Variants in SLX4 observed in about 807,000 individuals in gnomAD.
The protein encoded by SLX4 is SLX4 structure-specific endonuclease subunit.
A neutral mutation model predicts 146.2 loss-of-function variants in SLX4; 112 were observed. That is an observed-to-expected ratio of 0.77 (90% CI 0.66 to 0.90). The LOEUF is 0.90. SLX4 is among the 40% of genes least tolerant of loss of function. The pLI is 0.00. For missense variants in SLX4, 2,563 were observed against 2,392.7 expected (o/e 1.07, Z -1.49); for synonymous variants, 1,061 against 997.7 (o/e 1.06, Z -1.20).
chr16:3,602,030 A>T (rs779379885), intron 4 of SLX4, 88 bp downstream of exon 4: 1 of 1,491,978 alleles, frequency 6.7e-7, no homozygotes, highest in Non-Finnish European at 9.3e-7. Context: ...TTGTCATGGT[A>T]AGGTGTGGAG....
chr16:3,595,575 C>A (rs2040642092), intron 9 of SLX4, 30 bp downstream of exon 9: 1 of 1,611,974 alleles, frequency 6.2e-7, no homozygotes. Flanking sequence ...TGGCCGGGAC[C>A]AGAGAGCGCG....
intron 5 of SLX4, among the ~76,000 whole-genome samples, chr16:3,599,560 C>T (rs911080989): frequency 6.6e-6 from 1 of 152,222 alleles, no homozygotes; most frequent in Non-Finnish European, 1.5e-5. Context: ...TAGGGTCCTA[C>T]ACTTCTGTTG....
Position 3,609,095 on chromosome 16 carries a change from G to T in SLX4, c.-131C>A. The T allele has an allele frequency of 4.3e-6, 5 of 1,164,890 alleles. No individual in the cohort carries two copies. Among genetic ancestry groups the T allele is most frequent in the Middle Eastern group, 2.8e-4 (1 of 3,584 alleles). The allele number at this position is 1,164,890 out of a possible 1,614,324, so 72.2% of individuals were successfully genotyped here. On this transcript the variant is annotated 5_prime_UTR_variant, in exon 2 of 15. Transcript: ENST00000294008. ...GGGCCTGTGGTTAAACATGTTTAAA[G>T]CTTCCCTCTGTTAAAGTCCACAACT...
At position 3,602,291 on chromosome 16, in the gene SLX4, G is replaced by A. The variant is rs771660873; in HGVS notation, c.777C>T (p.Pro259=). Residue 259 remains proline (P), a synonymous_variant, in exon 4 of 15, where the codon CCC becomes CCT. Coordinates refer to ENST00000294008, the MANE Select transcript of SLX4 (RefSeq NM_032444.4). ...CCGCAGCGTCGCTCTCTGGGGCAGG[G>A]GGCCCAAGCCCATACACTGTGGAGA... ...MMAGNVYGLG[P]PAPESDAAVA... 2 of 1,613,870 alleles carry A rather than the reference G, an allele frequency of 1.2e-6. No individual in the cohort carries two copies. Among genetic ancestry groups the A allele is most frequent in the African/African-American group, 1.3e-5 (1 of 74,936 alleles).
chr16:3,603,052 TG>T (rs1316786268), intron 3 of SLX4, among the ~76,000 whole-genome samples: 1 of 152,106 alleles, frequency 6.6e-6, no homozygotes, highest in Non-Finnish European at 1.5e-5. Context: ...TGCCCTGTTT[TG>T]TTTGTTTGTT....
intron 3 of SLX4, among the ~76,000 whole-genome samples, chr16:3,606,080 C>A (rs926067997): frequency 6.6e-6 from 1 of 151,336 alleles, no homozygotes; most frequent in African/African-American, 2.4e-5. Flanking sequence ...GCCAACTTGG[C>A]GAAACCCTGT....
chr16:3,589,571 G>A lies in SLX4; in HGVS notation c.4067C>T (p.Pro1356Leu), dbSNP rs764254888. 8.7e-6 allele frequency: 14 copies of A among 1,613,182 alleles called. No homozygotes were observed. The highest frequency in any genetic ancestry group is 4.0e-5 in the African/African-American group (3 of 75,046). Residue 1356 changes from proline to leucine, a missense_variant, in exon 12 of 15, where the codon CCG becomes CTG. Pro to Leu is a moderately conservative substitution (Grantham distance 98). Transcript: ENST00000294008. This position sits in a 1 kb window ranked among gnomAD's most constrained non-coding sequence, Gnocchi z 6.2. ...CCCTGAGATGGGATGTGGAGCCAGC[G>A]GAGAGGAGTGCGGGTGGCCCCCGGG... ...PHPGGHPHSS[P>L]LAPHPISGDR...
At position 3,597,764 on chromosome 16, in the gene SLX4, C is replaced by G; in HGVS notation, c.1366+33G>C. The G allele has an allele frequency of 6.2e-7, 1 of 1,614,080 alleles. No individual in the cohort carries two copies. Among genetic ancestry groups the G allele is most frequent in the East Asian group, 2.2e-5 (1 of 44,882 alleles). ...CACTCACCCGGGACCTGCTGATGGCCTCTCCCAGGGTCACTCTTCTGATCA... is the reference window on the plus strand; with the variant it reads ...CACTCACCCGGGACCTGCTGATGGCGTCTCCCAGGGTCACTCTTCTGATCA... On this transcript the variant is annotated intron_variant, in intron 6 of 14. Coordinates refer to ENST00000294008, the MANE Select transcript of SLX4 (RefSeq NM_032444.4). This position sits in a 1 kb window ranked among gnomAD's most constrained non-coding sequence, Gnocchi z 4.4.
In SLX4 at chr16:3,590,128, G is replaced by T. The variant is rs1384973981; in HGVS notation, c.3510C>A (p.Ser1170=). The change falls in exon 12 of 15, where the codon TCC becomes TCA. Residue 1170 remains serine, a synonymous_variant. Coordinates refer to ENST00000294008, the MANE Select transcript of SLX4 (RefSeq NM_032444.4). This position sits in a 1 kb window ranked among gnomAD's most constrained non-coding sequence, Gnocchi z 4.8. ...ELELEQTKMK[S]ISSDPLEEKK... ...TTTCTTCCAGAGGATCACTAGAAAT[G>T]GACTTCATTTTGGTTTGTTCTAGCT... is the stretch of plus-strand genomic sequence containing the variant. The T allele has an allele frequency of 6.2e-7, 1 of 1,614,076 alleles. No individual in the cohort carries two copies. Among genetic ancestry groups the T allele is most frequent in the Non-Finnish European group, 8.5e-7 (1 of 1,180,048 alleles).
In SLX4 at chr16:3,582,248, G is replaced by A. The variant is rs2040444252; in HGVS notation, c.*94C>T. The A allele has an allele frequency of 9.1e-7, 1 of 1,101,730 alleles. No homozygotes were observed. The highest frequency in any genetic ancestry group is 1.3e-6 in the Non-Finnish European group (1 of 759,068). 68.2% of individuals were successfully genotyped at this position (1,101,730 alleles called of 1,614,324 possible). ...CCCCAGGCCCAGAAATGCCTGTGGA[G>A]GCCTGACCCACGCTGGGTGTCCCAG... On this transcript the variant is annotated 3_prime_UTR_variant, in exon 15 of 15. Coordinates refer to ENST00000294008, the MANE Select transcript of SLX4 (RefSeq NM_032444.4).
At chr16:3,595,764 G>A in intron 8 of SLX4, 71 bp from the exon 9 acceptor site, 2 of 1,563,422 alleles carry the variant, frequency 1.3e-6, no homozygotes, top group Non-Finnish European at 1.8e-6. Flanking sequence ...AGACAGCGTT[G>A]ACCACAGGCT....
chr16:3,607,311 G>A (rs905206853), intron 2 of SLX4, among the ~76,000 whole-genome samples: 11 of 152,168 alleles, frequency 7.2e-5, no homozygotes, highest in Admixed American at 6.6e-4. Flanking sequence ...CCTTCCAGTA[G>A]TCTATGCGAC....
rs186784513 is a variant in SLX4 at position 3,590,264 on chromosome 16, T to C, written c.3374A>G (p.Asp1125Gly). 11 of 1,614,134 alleles carry C rather than the reference T, an allele frequency of 6.8e-6. No homozygotes were observed. In the East Asian group the frequency reaches 2.5e-4, roughly 36 times the overall value. The change falls in exon 12 of 15, where the codon GAC (aspartate) becomes GGC (glycine). Residue 1125 changes from aspartate to glycine, a missense_variant. Asp to Gly is a moderately conservative substitution (Grantham distance 94, BLOSUM62 -1). Coordinates refer to ENST00000294008, the MANE Select transcript of SLX4 (RefSeq NM_032444.4). This position sits in a 1 kb window ranked among gnomAD's most constrained non-coding sequence, Gnocchi z 4.8. ...ATGGTCAGGATTTGACTGGGTTAGG[T>C]CAATAGACGGAGATTTTTCTGGGAA... is the stretch of plus-strand genomic sequence containing the variant. The part of the protein sequence containing the change: ...LMFPEKSPSI[D>G]LTQSNPDHSS...
chr16:3,584,581 C>G (rs142368314), intron 13 of SLX4, among the ~76,000 whole-genome samples, 188 bp downstream of exon 13: 1 of 152,158 alleles, frequency 6.6e-6, no homozygotes, highest in Non-Finnish European at 1.5e-5. Flanking sequence ...AGGCTCACCC[C>G]GGCACCCAGC....
rs1290555841 is a variant in SLX4 at position 3,609,280 on chromosome 16, T to C, written c.-316A>G. ...AAAATTGGCCAGGCGTGGTAGCAGA[T>C]GCCTGTAATCCCAGCTACTCGGGAG... On this transcript the variant is annotated 5_prime_UTR_variant, in exon 2 of 15. Transcript: ENST00000294008. The C allele has an allele frequency of 3.1e-6, 1 of 325,620 alleles. No individual in the cohort carries two copies. The highest frequency in any genetic ancestry group is 2.1e-5 in the African/African-American group (1 of 47,060). 20.2% of individuals were successfully genotyped at this position (325,620 alleles called of 1,614,324 possible). A position where few individuals can be genotyped will look rare whatever the true frequency, so the allele number is the denominator to read the frequency against.
rs747832147 is a variant in SLX4 at position 3,592,799 on chromosome 16, C to T, written c.2227G>A (p.Val743Met). ...VLTQRVLLGD[V>M]STEAARTFLH... ...AACGTGCGGGCGGCCTCGGTGCTCA[C>T]GTCACCCAGCAGGACACGCTGGGTC... The change falls in exon 11 of 15, where the codon GTG becomes ATG. Residue 743 changes from valine (V) to methionine (M), a missense_variant. By Grantham distance (21) the Val-to-Met change is conservative. Transcript: ENST00000294008. 5.0e-6 allele frequency: 8 copies of T among 1,612,452 alleles called. No individual in the cohort carries two copies. Among genetic ancestry groups the T allele is most frequent in the Admixed American group, 3.3e-5 (2 of 60,006 alleles).
At position 3,581,979 on chromosome 16, in the gene SLX4, G is replaced by T. The variant is rs978734523; in HGVS notation, c.*363C>A. The T allele has an allele frequency of 6.7e-6, 2 of 299,844 alleles. No individual in the cohort carries two copies. The highest frequency in any genetic ancestry group is 4.3e-5 in the African/African-American group (2 of 47,058). 18.6% of individuals were successfully genotyped at this position (299,844 alleles called of 1,614,324 possible). ...AATTGCTTGAACCCGGGAGGCGGAG[G>T]TTGCAGTGAGCCGAGATTGTGCCAC... is the stretch of plus-strand genomic sequence containing the variant. On this transcript the variant is annotated 3_prime_UTR_variant, in exon 15 of 15. Transcript: ENST00000294008.
Position 3,596,291 on chromosome 16 carries a change from C to T in SLX4, c.1786G>A (p.Gly596Ser), listed in dbSNP as rs144454312. Residue 596 changes from glycine to serine, a missense_variant, in exon 8 of 15, where the codon GGC becomes AGC. Gly to Ser is a moderately conservative substitution (Grantham distance 56). Coordinates refer to ENST00000294008, the MANE Select transcript of SLX4 (RefSeq NM_032444.4). ...GCCGAAGGCGACGGGCCCCTGGAGC[C>T]ACAGCCTGCAGTGGGGGTGCCGTGG... ...ALHGTPTAGCGSRGPSPSASQ... is the reference protein window; with the variant it reads ...ALHGTPTAGCSSRGPSPSASQ... 4.4e-5 allele frequency: 69 copies of T among 1,572,286 alleles called. No homozygotes were observed. Among genetic ancestry groups the T allele is most frequent in the Non-Finnish European group, 5.8e-5 (67 of 1,159,486 alleles).
Position 3,584,817 on chromosome 16 carries a change from G to C in SLX4, c.4691C>G (p.Pro1564Arg), listed in dbSNP as rs1478218856. 3.9e-5 allele frequency: 63 copies of C among 1,614,162 alleles called. No homozygotes were observed. The highest frequency in any genetic ancestry group is 5.3e-5 in the Non-Finnish European group (62 of 1,179,998). Residue 1564 changes from proline to arginine, a missense_variant, in exon 13 of 15, where the codon CCA becomes CGA. By Grantham distance (103) the Pro-to-Arg change is moderately radical. Transcript: ENST00000294008. ...CGGCGTCTCCATAATGGAATACTGTGGCATCGGCGTTATGGGCACTTTGGG... is the reference window on the plus strand; with the variant it reads ...CGGCGTCTCCATAATGGAATACTGTCGCATCGGCGTTATGGGCACTTTGGG... ...LPPKVPITPM[P>R]QYSIMETPVL...
Sources: gnomAD v4.1 joint callset for allele counts (sites outside exome capture counted in the v4.1 genomes callset) on GRCh38, gnomAD v4.1.1 for gene constraint, Gnocchi (gnomAD v3.1) non-coding constraint, MANE v1.5 for transcripts, NCBI Gene and HGNC (gene_info 2026-07-23, HGNC 2026-07-21) for gene names.